Variants in CACNA1E observed in about 807,000 individuals in gnomAD.
CACNA1E encodes voltage-dependent R-type calcium channel subunit alpha-1E.
A neutral mutation model predicts 259.2 loss-of-function variants in CACNA1E; 40 were observed. The observed-to-expected ratio is 0.15, with a 90% CI of 0.12 to 0.20. The LOEUF is 0.20. CACNA1E is among the 10% of genes least tolerant of loss of function. The pLI, the probability that CACNA1E is intolerant of heterozygous loss-of-function variation, is 1.00. For synonymous variants in CACNA1E, 1,104 were observed against 1,138.5 expected (o/e 0.97, Z 0.61); for missense variants, 1,874 against 3,040.1 (o/e 0.62, Z 9.02).
chr1:181,584,250 G>A (rs1042991612), intron 6 of CACNA1E, among the ~76,000 whole-genome samples: 5 of 152,160 alleles, frequency 3.3e-5, no homozygotes, highest in Admixed American at 6.5e-5. Flanking sequence ...TTCTGTAGTT[G>A]GAGTTATTTC....
intron 6 of CACNA1E, among the ~76,000 whole-genome samples, chr1:181,611,771 AT>A (rs1202341560): frequency 6.6e-6 from 1 of 152,220 alleles, no homozygotes; most frequent in Non-Finnish European, 1.5e-5. Flanking sequence ...ATTTAAAGCT[AT>A]AATATTGAAA....
chr1:181,383,833 C>T (rs930733301), intron 1 of CACNA1E, among the ~76,000 whole-genome samples: 9 of 152,198 alleles, frequency 5.9e-5, no homozygotes, highest in Admixed American at 6.5e-5. Context: ...ATGTGTGGCA[C>T]CTCCAGACCT....
chr1:181,713,587 G>A lies in CACNA1E; in HGVS notation c.1172-1751G>A, dbSNP rs570621024. Among the ~76,000 whole-genome samples, 45 of 152,280 alleles carry A rather than the reference G, an allele frequency of 3.0e-4. 1 individual carries two copies. The South Asian group carries it at 8.1e-3, about 27-fold the overall frequency. Reference sequence around the variant, plus strand: ...AGTTTTATCTGTAGCTGGAATTACGGTAATGACTTTAACCTCTCCTACTGT... The same window carrying A: ...AGTTTTATCTGTAGCTGGAATTACGATAATGACTTTAACCTCTCCTACTGT... On this transcript the variant is annotated intron_variant, in intron 8 of 47. Coordinates refer to ENST00000367573, the MANE Select transcript of CACNA1E (RefSeq NM_001205293.3).
At chr1:181,630,869 A>T (rs1656666987) in intron 6 of CACNA1E, among the ~76,000 whole-genome samples, 1 of 152,098 alleles carries the variant, frequency 6.6e-6, no homozygotes. Flanking sequence ...ATTCTCAGCC[A>T]GAGGTCTCCA....
chr1:181,622,498 T>C (rs1275179410), intron 6 of CACNA1E, among the ~76,000 whole-genome samples: 1 of 152,222 alleles, frequency 6.6e-6, no homozygotes, highest in Non-Finnish European at 1.5e-5. Flanking sequence ...GCCTCTCTCC[T>C]TGGCTTGCAG....
chr1:181,520,495 G>C (rs1236535692), intron 3 of CACNA1E, among the ~76,000 whole-genome samples: 2 of 151,934 alleles, frequency 1.3e-5, no homozygotes, highest in Non-Finnish European at 2.9e-5. Context: ...AAAATACTAT[G>C]GTTCTGTAGA....
At chr1:181,543,008 G>A (rs1396391323) in intron 3 of CACNA1E, among the ~76,000 whole-genome samples, 1 of 150,946 alleles carries the variant, frequency 6.6e-6, no homozygotes, top group Non-Finnish European at 1.5e-5. Flanking sequence ...GTAGTCCATT[G>A]TTTCCTAAAC....
chr1:181,336,958 G>T (rs1439119334), intron 1 of CACNA1E, among the ~76,000 whole-genome samples: 1 of 148,708 alleles, frequency 6.7e-6, no homozygotes, highest in African/African-American at 2.5e-5. Context: ...ATAATGCAAA[G>T]AAAATTAAAA....
At chr1:181,345,999 G>A (rs116760883) in intron 1 of CACNA1E, among the ~76,000 whole-genome samples, 5,564 of 152,306 alleles carry the variant, frequency 0.037, 110 homozygotes, top group Middle Eastern at 0.065. Context: ...TGAGGGGCAG[G>A]CCATAGATGG....
intron 7 of CACNA1E, among the ~76,000 whole-genome samples, chr1:181,668,329 C>T (rs1173055371): frequency 6.6e-6 from 1 of 152,126 alleles, no homozygotes; most frequent in Non-Finnish European, 1.5e-5. Flanking sequence ...TTGTTCATTC[C>T]TTTTTATTTC....
At chr1:181,685,681 G>T (rs1650461141) in intron 7 of CACNA1E, among the ~76,000 whole-genome samples, 1 of 152,104 alleles carries the variant, frequency 6.6e-6, no homozygotes, top group South Asian at 2.1e-4. Context: ...TGAGTTAAGT[G>T]CTCTGTTAAT....
Position 181,397,541 on chromosome 1 carries a change from G to T in CACNA1E, c.-14-15592G>T, listed in dbSNP as rs552630806. ...GTCTCGAACTGGCCTCGAGTGATCC[G>T]CCTGCCTCGGCCTCCCAAAGTGCTG... On this transcript the variant is annotated intron_variant, in intron 1 of 11. Coordinates refer to the CACNA1E transcript ENST00000524607. 5.3e-5 allele frequency among the ~76,000 whole-genome samples: 8 copies of T among 152,176 alleles called. No homozygotes were observed. In the South Asian group the frequency reaches 1.7e-3, roughly 32 times the overall value.
At chr1:181,775,004 T>C (rs1233531113) in intron 37 of CACNA1E, among the ~76,000 whole-genome samples, 2 of 152,218 alleles carry the variant, frequency 1.3e-5, no homozygotes, top group Non-Finnish European at 2.9e-5. Flanking sequence ...CAGGTTTCTC[T>C]CTATTTACAG....
intron 32 of CACNA1E, among the ~76,000 whole-genome samples, 151 bp downstream of exon 32, chr1:181,759,019 G>C (rs1408189403): frequency 1.3e-5 from 2 of 152,168 alleles, no homozygotes; most frequent in African/African-American, 2.4e-5. Context: ...CTGCCGTAGA[G>C]ACAAGATGAT....
At chr1:181,425,914 G>T (rs1659155655) in intron 2 of CACNA1E, among the ~76,000 whole-genome samples, 1 of 152,140 alleles carries the variant, frequency 6.6e-6, no homozygotes, top group Admixed American at 6.5e-5. Context: ...ACCCTCTGCA[G>T]CTGTGCTCAC....
At chr1:181,659,775 A>G (rs1490383017) in intron 7 of CACNA1E, among the ~76,000 whole-genome samples, 1 of 152,226 alleles carries the variant, frequency 6.6e-6, no homozygotes. Flanking sequence ...TGTGGACAGT[A>G]TCTTTATTTG....
At chr1:181,778,872 AG>A (rs1013660549) in intron 38 of CACNA1E, among the ~76,000 whole-genome samples, 2 of 152,194 alleles carry the variant, frequency 1.3e-5, no homozygotes, top group Non-Finnish European at 2.9e-5. Flanking sequence ...TGTCACAAAG[AG>A]AAACAAAGCC....
chr1:181,607,525 A>G (rs1654345182), intron 6 of CACNA1E, among the ~76,000 whole-genome samples: 1 of 152,058 alleles, frequency 6.6e-6, no homozygotes, highest in African/African-American at 2.4e-5. Flanking sequence ...GAACTGCTTG[A>G]GTTATGACAG....
At chr1:181,643,929 C>T (rs1658029310) in intron 6 of CACNA1E, among the ~76,000 whole-genome samples, 1 of 152,150 alleles carries the variant, frequency 6.6e-6, no homozygotes, top group South Asian at 2.1e-4. Context: ...TGTGGGGAGA[C>T]TTAGTATGTT....
Sources: gnomAD v4.1 joint callset for allele counts (sites outside exome capture counted in the v4.1 genomes callset) on GRCh38, gnomAD v4.1.1 for gene constraint, MANE v1.5 for transcripts, NCBI Gene and HGNC (gene_info 2026-07-23, HGNC 2026-07-21) for gene names.